Variants in MDGA2 observed in about 807,000 individuals in gnomAD.
MDGA2 encodes MAM domain containing glycosylphosphatidylinositol anchor 2, also known as MAM domain-containing glycosylphosphatidylinositol anchor protein 2.
A neutral mutation model predicts 117.8 loss-of-function variants in MDGA2; 40 were observed. The observed-to-expected ratio is 0.34, with a 90% confidence interval of 0.26 to 0.44. The LOEUF (loss-of-function observed/expected upper bound fraction) is 0.44. Ranked by LOEUF, MDGA2 falls within the 20% of genes least tolerant of loss-of-function variation. The pLI is 1.00. For synonymous variants in MDGA2, 452 were observed against 439.0 expected (o/e 1.03, Z -0.37); for missense variants, 1,123 against 1,250.6 (o/e 0.90, Z 1.54).
intron 2 of MDGA2, among the ~76,000 whole-genome samples, chr14:47,248,808 G>C (rs992059966): frequency 6.6e-6 from 1 of 151,894 alleles, no homozygotes; most frequent in Admixed American, 6.6e-5. Context: ...CTAATAGCAA[G>C]ATTGATTTGA....
intron 1 of MDGA2, among the ~76,000 whole-genome samples, chr14:47,328,516 A>T (rs1195228824): frequency 6.6e-6 from 1 of 152,176 alleles, no homozygotes; most frequent in Non-Finnish European, 1.5e-5. Context: ...TGCACGTTTT[A>T]TGCATTCTTG....
chr14:46,929,664 T>G (rs1884488873), intron 9 of MDGA2, among the ~76,000 whole-genome samples: 1 of 90,754 alleles, frequency 1.1e-5, no homozygotes, highest in African/African-American at 5.7e-5. Context: ...TTTTTTTTTT[T>G]TTTCGAGATG....
At chr14:47,540,520 ATGTG>A (rs147620834) in intron 1 of MDGA2, among the ~76,000 whole-genome samples, 1,821 of 102,950 alleles carry the variant, frequency 0.018, 64 homozygotes, top group African/African-American at 0.052. Flanking sequence ...GTATATGTAT[ATGTG>A]TGTGTGTGTG....
chr14:47,659,297 C>A (rs1897802734), intron 1 of MDGA2, among the ~76,000 whole-genome samples: 1 of 152,160 alleles, frequency 6.6e-6, no homozygotes, highest in Non-Finnish European at 1.5e-5. Flanking sequence ...AACTTTCCAT[C>A]TGTAGAAATG....
intron 8 of MDGA2, among the ~76,000 whole-genome samples, chr14:46,998,488 G>A (rs532254559): frequency 2.6e-5 from 4 of 152,084 alleles, no homozygotes; most frequent in Admixed American, 2.0e-4. Flanking sequence ...ATAAACTTCT[G>A]TATTTAATTT....
chr14:47,626,850 C>A (rs995608964), intron 1 of MDGA2, among the ~76,000 whole-genome samples: 1 of 152,242 alleles, frequency 6.6e-6, no homozygotes, highest in Non-Finnish European at 1.5e-5. Flanking sequence ...CCGCCCCCTG[C>A]TCCACAGCGC....
chr14:46,975,943 C>T (rs568635419), intron 8 of MDGA2, among the ~76,000 whole-genome samples: 1 of 152,190 alleles, frequency 6.6e-6, no homozygotes, highest in South Asian at 2.1e-4. Flanking sequence ...ACAGCTCTGA[C>T]CTCATGACCT....
chr14:46,895,081 G>C (rs911196791), intron 10 of MDGA2, among the ~76,000 whole-genome samples: 3 of 152,260 alleles, frequency 2.0e-5, no homozygotes, highest in South Asian at 2.1e-4. Flanking sequence ...ATTAGGGTTT[G>C]AGTTTTTAGT....
In MDGA2 at chr14:47,397,204, A is replaced by G. The variant is rs1892031324; in HGVS notation, c.281-95654T>C. Among the ~76,000 whole-genome samples the G allele has an allele frequency of 2.6e-5, 4 of 152,194 alleles. No individual in the cohort carries two copies. The South Asian group carries it at 8.3e-4, about 31-fold the overall frequency. ...CAGGACATGGATGAAGCTGGAAACCATCATTCTGAGCAAACTATTGCAAGG... is the reference window on the plus strand; with the variant it reads ...CAGGACATGGATGAAGCTGGAAACCGTCATTCTGAGCAAACTATTGCAAGG... On this transcript the variant is annotated intron_variant, in intron 1 of 16. Transcript: ENST00000399232.
At chr14:46,988,338 A>G (rs920243447) in intron 8 of MDGA2, among the ~76,000 whole-genome samples, 27 of 152,102 alleles carry the variant, frequency 1.8e-4, no homozygotes, top group Non-Finnish European at 7.4e-5. Context: ...GGAAAAAATC[A>G]AATAAGAGTA....
chr14:47,514,706 A>G (rs1436204454), intron 1 of MDGA2, among the ~76,000 whole-genome samples: 1 of 152,112 alleles, frequency 6.6e-6, no homozygotes, highest in Admixed American at 6.6e-5. Flanking sequence ...AGTCCCAACT[A>G]AGGGTGCTTC....
At chr14:47,182,603 T>C (rs544927163) in intron 3 of MDGA2, among the ~76,000 whole-genome samples, 26 of 152,300 alleles carry the variant, frequency 1.7e-4, no homozygotes, top group African/African-American at 6.0e-4. Flanking sequence ...AACTGGGAGA[T>C]GACACATTTC....
At chr14:46,877,561 C>T (rs1882283060) in intron 11 of MDGA2, 52 bp from the exon 12 acceptor site, 3 of 1,288,174 alleles carry the variant, frequency 2.3e-6, no homozygotes, top group Non-Finnish European at 3.3e-6. Context: ...GTTAGCATGG[C>T]TTGAATGTCT....
chr14:47,560,209 A>G (rs1051979958), intron 1 of MDGA2, among the ~76,000 whole-genome samples: 1 of 151,726 alleles, frequency 6.6e-6, no homozygotes, highest in African/African-American at 2.4e-5. Context: ...CTGGGACTAC[A>G]GGCGCCCGCC....
intron 9 of MDGA2, among the ~76,000 whole-genome samples, chr14:46,951,038 T>C (rs545064249): frequency 1.3e-5 from 2 of 152,080 alleles, no homozygotes; most frequent in East Asian, 3.9e-4. Context: ...AATTTCTTTA[T>C]ATACTGAACA....
At chr14:47,042,837 G>A (rs1889125921) in intron 7 of MDGA2, among the ~76,000 whole-genome samples, 2 of 151,938 alleles carry the variant, frequency 1.3e-5, no homozygotes, top group African/African-American at 2.4e-5. Context: ...ATAATGTCAT[G>A]ACTCTAATCT....
rs750448287 is a variant in MDGA2, at chr14:47,666,507, T to A, written c.280+8010A>T. Among the ~76,000 whole-genome samples the A allele has an allele frequency of 2.6e-5, 4 of 152,178 alleles. No individual in the cohort carries two copies. The East Asian group carries it at 7.7e-4, about 29-fold the overall frequency. ...CAATCGACACTCTGTATCTAGCTAA[T>A]CTAGTGGGAATGTGGAGAACTTTTG... is the stretch of plus-strand genomic sequence containing the variant. On this transcript the variant is annotated intron_variant, in intron 1 of 16. Coordinates refer to ENST00000399232, the MANE Select transcript of MDGA2 (RefSeq NM_001113498.3).
At chr14:47,150,806 C>A (rs933554398) in intron 3 of MDGA2, among the ~76,000 whole-genome samples, 2 of 151,910 alleles carry the variant, frequency 1.3e-5, no homozygotes, top group Non-Finnish European at 2.9e-5. Context: ...TGCCTGTAAT[C>A]CCAGTTACTC....
chr14:46,900,862 G>A (rs1463040062), intron 10 of MDGA2, among the ~76,000 whole-genome samples: 1 of 152,066 alleles, frequency 6.6e-6, no homozygotes, highest in Non-Finnish European at 1.5e-5. Context: ...TTCATGGATT[G>A]TACCAATGTC....
Sources: allele counts gnomAD v4.1 joint callset (sites outside exome capture counted in the v4.1 genomes callset), GRCh38; gene constraint gnomAD v4.1.1; transcripts MANE v1.5; gene names NCBI Gene and HGNC (gene_info 2026-07-23, HGNC 2026-07-21).